The following SND1 variants were observed in gnomAD, a reference collection of about 807,000 sequenced individuals.
SND1 encodes staphylococcal nuclease and tudor domain containing 1.
Under a neutral mutation model 121.7 loss-of-function variants are expected in SND1, and 38 were observed. That is an observed-to-expected ratio of 0.31 (90% CI 0.24 to 0.41). The LOEUF (loss-of-function observed/expected upper bound fraction) is 0.41, where lower values mean the gene tolerates loss of function less well. SND1 is among the 10% of genes least tolerant of loss of function. The probability of loss-of-function intolerance (pLI) is 1.00; values close to 1 mark genes in which losing one functional copy is unlikely to be tolerated. For synonymous variants in SND1, 401 were observed against 447.4 expected (o/e 0.90, Z 1.31); for missense variants, 868 against 1,184.6 (o/e 0.73, Z 3.92).
intron 15 of SND1, among the ~76,000 whole-genome samples, chr7:127,976,785 T>G (rs1334407364): frequency 1.3e-5 from 2 of 152,148 alleles, no homozygotes; most frequent in African/African-American, 4.8e-5. Context: ...GAGAAGGAAA[T>G]GAATAGACTG....
chr7:127,848,613 C>T (rs914713777), intron 12 of SND1, among the ~76,000 whole-genome samples: 2 of 152,162 alleles, frequency 1.3e-5, no homozygotes, highest in South Asian at 4.1e-4. Flanking sequence ...GGCTTATATA[C>T]CTACATTTAG....
chr7:127,847,057 C>T (rs1799078028), intron 12 of SND1, among the ~76,000 whole-genome samples: 2 of 152,056 alleles, frequency 1.3e-5, no homozygotes, highest in African/African-American at 4.8e-5. Context: ...CACCTGAGAT[C>T]AGGAGTTTGA....
Position 127,857,759 on chromosome 7 carries a change from C to T in SND1, c.1343+13335C>T. The stretch of plus-strand genomic sequence containing the variant: ...GAAAGGGAAATTGACTGAAAAATGG[C>T]CTCCAACTTCCTCACTGCCTGAGAC... On this transcript the variant is annotated intron_variant, in intron 12 of 23. Transcript: ENST00000354725. 3.2e-6 allele frequency: 2 copies of T among 630,680 alleles called. 1 individual carries two copies. Among genetic ancestry groups the T allele is most frequent in the Non-Finnish European group, 5.8e-6 (2 of 345,672 alleles). The allele number at this position is 630,680 out of a possible 1,614,324, so 39.1% of individuals were successfully genotyped here.
chr7:128,074,801 C>T, intron 17 of SND1, 111 bp downstream of exon 17: 1 of 1,112,522 alleles, frequency 9.0e-7, no homozygotes, highest in Admixed American at 2.3e-5. Flanking sequence ...CAGAGTAGCC[C>T]AGGAAGGTGT....
chr7:127,731,316 C>T (rs1280272956), intron 10 of SND1, among the ~76,000 whole-genome samples: 1 of 152,224 alleles, frequency 6.6e-6, no homozygotes, highest in East Asian at 1.9e-4. Flanking sequence ...GATTATTAGG[C>T]CAGTTTGTAC....
chr7:127,917,798 C>A (rs960692229), intron 14 of SND1, among the ~76,000 whole-genome samples: 1 of 152,198 alleles, frequency 6.6e-6, no homozygotes, highest in East Asian at 1.9e-4. Flanking sequence ...GTGCTTAAAT[C>A]TGTTTTTGAT....
At chr7:127,801,391 T>C (rs1798125020) in intron 10 of SND1, among the ~76,000 whole-genome samples, 1 of 152,224 alleles carries the variant, frequency 6.6e-6, no homozygotes, top group Admixed American at 6.5e-5. Flanking sequence ...TTTATATCTT[T>C]TGCCAATTCA....
chr7:127,858,307 C>T, intron 12 of SND1: 1 of 1,009,604 alleles, frequency 9.9e-7, no homozygotes. Flanking sequence ...GTCACCCAGG[C>T]CCCTTGCTGC....
intron 14 of SND1, among the ~76,000 whole-genome samples, chr7:127,919,423 A>C (rs1353794399): frequency 1.3e-5 from 2 of 152,148 alleles, no homozygotes; most frequent in Non-Finnish European, 2.9e-5. Context: ...ATTTTATTTT[A>C]ATTATCTCTG....
intron 13 of SND1, among the ~76,000 whole-genome samples, chr7:127,896,191 G>T (rs535479418): frequency 2.0e-5 from 3 of 152,028 alleles, no homozygotes; most frequent in Non-Finnish European, 2.9e-5. Flanking sequence ...GCCAAAATAG[G>T]TTCAGCTATG....
rs189616570 is a variant in SND1, at chr7:128,060,215, G to A, written c.1780-14287G>A. Among the ~76,000 whole-genome samples the A allele has an allele frequency of 9.9e-5, 15 of 152,216 alleles. No individual in the cohort carries two copies. In the East Asian group the frequency reaches 1.9e-3, roughly 20 times the overall value. On this transcript the variant is annotated intron_variant, in intron 16 of 23. Transcript: ENST00000354725. ...CTTCTAAGTGGGCTCTGCCTCCCTC[G>A]TTCGCATGTGGGAACTGCAGCTTGT...
chr7:127,724,879 A>G (rs1425298068), intron 10 of SND1, among the ~76,000 whole-genome samples: 1 of 151,946 alleles, frequency 6.6e-6, no homozygotes, highest in African/African-American at 2.4e-5. Flanking sequence ...GGAGACGTTA[A>G]CTCTTTCAGG....
chr7:127,765,278 G>A (rs1215392128), intron 10 of SND1, among the ~76,000 whole-genome samples: 2 of 152,100 alleles, frequency 1.3e-5, no homozygotes, highest in African/African-American at 4.8e-5. Flanking sequence ...CAACCATTGA[G>A]CATTTCTGAT....
At chr7:127,970,925 C>G (rs1424305046) in intron 15 of SND1, among the ~76,000 whole-genome samples, 1 of 151,794 alleles carries the variant, frequency 6.6e-6, no homozygotes, top group Non-Finnish European at 1.5e-5. Flanking sequence ...GCCTGGGCAA[C>G]AAAGCGAGAC....
intron 16 of SND1, among the ~76,000 whole-genome samples, chr7:128,008,464 C>CA (rs1302431838): frequency 1.5e-5 from 2 of 136,080 alleles, no homozygotes; most frequent in Non-Finnish European, 3.2e-5. Flanking sequence ...TTTTTCTTTC[C>CA]TTTTTTTTTT....
chr7:128,078,743 A>G (rs555596483), intron 17 of SND1, among the ~76,000 whole-genome samples: 1 of 152,326 alleles, frequency 6.6e-6, no homozygotes, highest in Admixed American at 6.5e-5. Context: ...GAATTCATCA[A>G]CACTGCTGAG....
intron 14 of SND1, among the ~76,000 whole-genome samples, chr7:127,924,087 T>C (rs1800782272): frequency 6.6e-6 from 1 of 152,148 alleles, no homozygotes; most frequent in South Asian, 2.1e-4. Flanking sequence ...TGGAGTCCTT[T>C]ACCCTCAGGT....
intron 16 of SND1, chr7:128,030,752 G>A (rs948005188): frequency 3.0e-6 from 4 of 1,334,218 alleles, no homozygotes; most frequent in African/African-American, 3.0e-5. Context: ...TGGAGAAGGA[G>A]GTGGGGAGGG....
chr7:127,972,915 G>A (rs936205926), intron 15 of SND1, among the ~76,000 whole-genome samples: 1 of 152,236 alleles, frequency 6.6e-6, no homozygotes, highest in African/African-American at 2.4e-5. Flanking sequence ...ATTCATCCAT[G>A]TTACTGGATG....
Sources: gnomAD v4.1 joint callset for allele counts (sites outside exome capture counted in the v4.1 genomes callset) on GRCh38, gnomAD v4.1.1 for gene constraint, MANE v1.5 for transcripts, NCBI Gene and HGNC (gene_info 2026-07-23, HGNC 2026-07-21) for gene names.